Variants in CDH2 observed in about 807,000 individuals in gnomAD.
CDH2 encodes cadherin-2.
CDH2 carries 17 observed loss-of-function variants against 92.0 expected under a neutral mutation model. The observed-to-expected ratio is 0.18, with a 90% CI of 0.13 to 0.28. The LOEUF is 0.28. Ranked by LOEUF, CDH2 falls within the 10% of genes least tolerant of loss-of-function variation. The probability of loss-of-function intolerance (pLI) is 1.00; values close to 1 mark genes in which losing one functional copy is unlikely to be tolerated. For synonymous variants in CDH2, 419 were observed against 415.9 expected (o/e 1.01, Z -0.09); for missense variants, 862 against 1,133.1 (o/e 0.76, Z 3.44).
chr18:28,132,633 G>A (rs889910226), intron 2 of CDH2, among the ~76,000 whole-genome samples: 5 of 152,160 alleles, frequency 3.3e-5, no homozygotes, highest in Non-Finnish European at 7.3e-5. Flanking sequence ...TAGAACCAGA[G>A]GTGGACTTAG....
At chr18:28,012,051 A>G (rs1280508081) in intron 3 of CDH2, 59 bp from the exon 4 acceptor site, 1 of 1,418,234 alleles carries the variant, frequency 7.1e-7, no homozygotes, top group Non-Finnish European at 9.8e-7. Flanking sequence ...CTGAAAGTAC[A>G]TCAATATTAT....
chr18:27,942,920 A>T (rs540540172), intron 6 of CDH2, among the ~76,000 whole-genome samples: 29 of 152,292 alleles, frequency 1.9e-4, no homozygotes, highest in African/African-American at 6.3e-4. Context: ...TGGTGCAAGC[A>T]GTCAAGGAAC....
Position 27,951,106 on chromosome 18 carries a change from A to G in CDH2, c.*1047T>C, listed in dbSNP as rs1335721823. 1 of 152,004 alleles carries G rather than the reference A, an allele frequency of 6.6e-6. No homozygotes were observed. Among genetic ancestry groups the G allele is most frequent in the African/African-American group, 2.4e-5 (1 of 41,302 alleles). 9.4% of individuals were successfully genotyped at this position (152,004 alleles called of 1,614,324 possible). Reference sequence around the variant, plus strand: ...TTTTTTTTTTCCATTTTTTTTTTAAAAAAACACACACTTAGTAGTGCCACC... The same window carrying G: ...TTTTTTTTTTCCATTTTTTTTTTAAGAAAACACACACTTAGTAGTGCCACC... On this transcript the variant is annotated 3_prime_UTR_variant, in exon 16 of 16. Coordinates refer to ENST00000269141, the MANE Select transcript of CDH2 (RefSeq NM_001792.5).
intron 2 of CDH2, among the ~76,000 whole-genome samples, chr18:28,096,066 G>A (rs551406184): frequency 1.3e-5 from 2 of 152,204 alleles, no homozygotes; most frequent in South Asian, 4.2e-4. Context: ...ATGCTTTTAT[G>A]CCTTAACGTG....
At chr18:27,941,508 T>A (rs1368553791) in intron 6 of CDH2, among the ~76,000 whole-genome samples, 2 of 152,218 alleles carry the variant, frequency 1.3e-5, no homozygotes, top group African/African-American at 4.8e-5. Flanking sequence ...ATACTGGTAT[T>A]AAGTTCTTGT....
chr18:28,072,342 T>C (rs2014634621), intron 2 of CDH2, among the ~76,000 whole-genome samples: 1 of 152,186 alleles, frequency 6.6e-6, no homozygotes, highest in Admixed American at 6.5e-5. Context: ...AGCAGTGCTG[T>C]GCTTGTCCTG....
intron 1 of CDH2, among the ~76,000 whole-genome samples, chr18:28,158,931 T>C (rs2016263286): frequency 6.6e-6 from 1 of 152,222 alleles, no homozygotes. Flanking sequence ...TCATACAAAT[T>C]GTTATTTATG....
At chr18:28,126,832 T>C (rs1049907924) in intron 2 of CDH2, among the ~76,000 whole-genome samples, 1 of 152,056 alleles carries the variant, frequency 6.6e-6, no homozygotes, top group Non-Finnish European at 1.5e-5. Flanking sequence ...AATTGAAAGG[T>C]GGACAGAGGG....
At chr18:28,106,400 G>T (rs139729447) in intron 2 of CDH2, among the ~76,000 whole-genome samples, 175 of 151,428 alleles carry the variant, frequency 1.2e-3, no homozygotes, top group African/African-American at 3.9e-3. Context: ...CTGGGTGCCA[G>T]AGTGAGATTG....
At chr18:27,939,154 G>T (rs1909081493) in intron 6 of CDH2, among the ~76,000 whole-genome samples, 1 of 152,112 alleles carries the variant, frequency 6.6e-6, no homozygotes, top group Non-Finnish European at 1.5e-5. Flanking sequence ...TGATGGCCTA[G>T]TGAGTTTCCC....
At chr18:28,049,872 T>C (rs910526975) in intron 2 of CDH2, among the ~76,000 whole-genome samples, 7 of 152,244 alleles carry the variant, frequency 4.6e-5, no homozygotes, top group African/African-American at 1.7e-4. Context: ...TGGCAGAATA[T>C]ACTTTCCCAT....
chr18:28,117,914 A>G (rs2015522119), intron 2 of CDH2, among the ~76,000 whole-genome samples: 1 of 152,078 alleles, frequency 6.6e-6, no homozygotes, highest in Admixed American at 6.6e-5. Flanking sequence ...CATCTAAATG[A>G]CATGCACCAC....
At chr18:28,017,359 G>T (rs1012757693) in intron 2 of CDH2, among the ~76,000 whole-genome samples, 1 of 152,020 alleles carries the variant, frequency 6.6e-6, no homozygotes, top group South Asian at 2.1e-4. Flanking sequence ...ATACTTCCAG[G>T]AATTTATCCG....
chr18:28,031,909 G>A (rs1224458645), intron 2 of CDH2, among the ~76,000 whole-genome samples: 1 of 152,050 alleles, frequency 6.6e-6, no homozygotes, highest in Non-Finnish European at 1.5e-5. Context: ...TGAATAAAAG[G>A]AACATGAGAC....
chr18:27,934,175 C>CA (rs1908968325), intron 6 of CDH2, among the ~76,000 whole-genome samples: 1 of 152,182 alleles, frequency 6.6e-6, no homozygotes, highest in Non-Finnish European at 1.5e-5. Flanking sequence ...GAAGCACACA[C>CA]ATTCACATGC....
intron 2 of CDH2, among the ~76,000 whole-genome samples, chr18:28,034,970 A>G (rs1277659236): frequency 1.3e-5 from 2 of 152,104 alleles, no homozygotes; most frequent in African/African-American, 4.8e-5. Context: ...AATAAGGAAT[A>G]CAAAACAGGT....
intron 14 of CDH2, among the ~76,000 whole-genome samples, chr18:27,965,658 C>T (rs2011514513): frequency 6.6e-6 from 1 of 151,976 alleles, no homozygotes; most frequent in Non-Finnish European, 1.5e-5. Context: ...CAGAAAAGGC[C>T]CTCAATGATG....
intron 1 of CDH2, among the ~76,000 whole-genome samples, chr18:28,153,094 A>C (rs1449115654): frequency 6.6e-6 from 1 of 152,184 alleles, no homozygotes; most frequent in Non-Finnish European, 1.5e-5. Flanking sequence ...GTGGAAGTCA[A>C]GGAAGACTCC....
At position 27,941,277 on chromosome 18, in the gene CDH2, C is replaced by T. The variant is rs1237863909; in HGVS notation, c.1152-8153G>A. Among the ~76,000 whole-genome samples the T allele has an allele frequency of 5.3e-5, 8 of 152,006 alleles. No individual in the cohort carries two copies. The South Asian group carries it at 1.0e-3, about 20-fold the overall frequency. The stretch of plus-strand genomic sequence containing the variant: ...GTCTTGATCTCCTGACCTCGTGATC[C>T]GCCCGTCTCGGCCTCCTAAAGTGCT... On this transcript the variant is annotated intron_variant, in intron 6 of 6. Transcript: ENST00000675173.
Sources: allele counts gnomAD v4.1 joint callset (sites outside exome capture counted in the v4.1 genomes callset), GRCh38; gene constraint gnomAD v4.1.1; transcripts MANE v1.5; gene names NCBI Gene and HGNC (gene_info 2026-07-23, HGNC 2026-07-21).